LPP: variants seen among roughly 807,000 people sequenced by gnomAD.
LPP encodes the protein LIM domain containing preferred translocation partner in lipoma, also known as lipoma-preferred partner.
In LPP, 38 loss-of-function variants were observed where a neutral mutation model predicts 60.4. The observed-to-expected ratio is 0.63, with a 90% CI of 0.49 to 0.83. The LOEUF is 0.83. Ranked by LOEUF, LPP falls within the 40% of genes least tolerant of loss-of-function variation. The pLI, the probability that LPP is intolerant of heterozygous loss-of-function variation, is 0.00. For synonymous variants in LPP, 328 were observed against 290.8 expected, an observed-to-expected ratio of 1.13 and a Z score of -1.30; for missense variants, 902 against 783.6, an observed-to-expected ratio of 1.15 and a Z score of -1.80.
chr3:188,466,123 G>A (rs768586233), intron 4 of LPP, among the ~76,000 whole-genome samples: 7 of 152,108 alleles, frequency 4.6e-5, no homozygotes, highest in Non-Finnish European at 7.4e-5. Flanking sequence ...GAAAATCATG[G>A]CTCAATAGTT....
chr3:188,257,081 A>G (rs1230751398), intron 2 of LPP, among the ~76,000 whole-genome samples: 1 of 152,274 alleles, frequency 6.6e-6, no homozygotes, highest in South Asian at 2.1e-4. Flanking sequence ...GTGAAGCCTG[A>G]TCATGTGACC....
intron 4 of LPP, among the ~76,000 whole-genome samples, chr3:188,449,110 AC>A (rs1432924543): frequency 6.6e-6 from 1 of 152,202 alleles, no homozygotes; most frequent in Non-Finnish European, 1.5e-5. Flanking sequence ...GGTCCTTGGA[AC>A]CAGGAGTTTT....
intron 9 of LPP, among the ~76,000 whole-genome samples, chr3:188,792,933 A>G (rs1744221007): frequency 6.6e-6 from 1 of 152,140 alleles, no homozygotes; most frequent in African/African-American, 2.4e-5. Flanking sequence ...ATTTTTATCA[A>G]GCAGAGTGAA....
Position 188,695,686 on chromosome 3 carries a change from T to C in LPP, c.1114-12581T>C, listed in dbSNP as rs568873407. 2.9e-4 allele frequency among the ~76,000 whole-genome samples: 44 copies of C among 152,330 alleles called. 1 individual carries two copies. Among genetic ancestry groups the C allele is most frequent in the African/African-American group, 1.1e-3 (44 of 41,564 alleles). On this transcript the variant is annotated intron_variant, in intron 7 of 11. Transcript: ENST00000617246. ...TGTTATACAAAACTGGAGGTATAAT[T>C]TGGCATTTGAACCAGCTTGTTCTGC...
At chr3:188,165,141 T>G (rs1186384529) in intron 1 of LPP, among the ~76,000 whole-genome samples, 1 of 152,004 alleles carries the variant, frequency 6.6e-6, no homozygotes, top group Non-Finnish European at 1.5e-5. Flanking sequence ...GCCAGTGTGG[T>G]AGTGCATGCC....
chr3:188,658,158 T>TTAGTTTAGTTTAGTTTAGTTTAG (rs1352039832), intron 7 of LPP, among the ~76,000 whole-genome samples: 1 of 152,100 alleles, frequency 6.6e-6, no homozygotes, highest in Non-Finnish European at 1.5e-5. Flanking sequence ...TTAGTTTAGT[T>TTAGTTTAGTTTAGTTTAGTTTAG]TTAACGACAG....
intron 2 of LPP, among the ~76,000 whole-genome samples, chr3:188,295,212 A>G (rs1747457203): frequency 6.6e-6 from 1 of 152,226 alleles, no homozygotes; most frequent in Non-Finnish European, 1.5e-5. Flanking sequence ...TTAATGAACA[A>G]GTGGGTGTAT....
intron 3 of LPP, among the ~76,000 whole-genome samples, chr3:188,350,089 T>C (rs1276785913): frequency 1.3e-5 from 2 of 152,224 alleles, no homozygotes; most frequent in Non-Finnish European, 2.9e-5. Context: ...TGGCATGTTT[T>C]AGAAGATACT....
chr3:188,846,350 G>A (rs1761391041), intron 9 of LPP, among the ~76,000 whole-genome samples: 2 of 152,138 alleles, frequency 1.3e-5, no homozygotes, highest in Admixed American at 6.6e-5. Context: ...TAAGTGATAA[G>A]GATAACATGA....
chr3:188,199,382 G>C (rs949708734), intron 1 of LPP, among the ~76,000 whole-genome samples: 1 of 152,104 alleles, frequency 6.6e-6, no homozygotes, highest in Admixed American at 6.5e-5. Context: ...AGAGCATGTG[G>C]GACGGAAAAT....
intron 4 of LPP, among the ~76,000 whole-genome samples, chr3:188,472,003 T>C (rs1342282482): frequency 1.3e-5 from 2 of 152,212 alleles, no homozygotes; most frequent in Admixed American, 6.5e-5. Context: ...TGGAGCCTAA[T>C]GTTCCTGTTC....
Position 188,675,377 on chromosome 3 carries a change from G to T in LPP, c.1114-32890G>T, listed in dbSNP as rs1257363323. Reference sequence around the variant, plus strand: ...GTTGGCTTCCTTAACTGCTCAACAAGTAGACCAAACAAACAAACCACGCAT... The same window carrying T: ...GTTGGCTTCCTTAACTGCTCAACAATTAGACCAAACAAACAAACCACGCAT... On this transcript the variant is annotated intron_variant, in intron 7 of 11. Transcript: ENST00000617246. Among the ~76,000 whole-genome samples the T allele has an allele frequency of 3.3e-5, 5 of 152,192 alleles. No homozygotes were observed. In the East Asian group the frequency reaches 9.6e-4, roughly 29 times the overall value.
At chr3:188,423,221 T>C (rs1355294238) in intron 4 of LPP, among the ~76,000 whole-genome samples, 2 of 152,184 alleles carry the variant, frequency 1.3e-5, no homozygotes, top group South Asian at 2.1e-4. Flanking sequence ...GTTCCTGTGT[T>C]AGTTTGCTGA....
chr3:188,210,473 T>C (rs1734405809), intron 1 of LPP, among the ~76,000 whole-genome samples: 1 of 152,190 alleles, frequency 6.6e-6, no homozygotes, highest in African/African-American at 2.4e-5. Flanking sequence ...CAGGAGATAA[T>C]GATCTTTGCT....
chr3:188,181,413 AGT>A (rs1297295530), intron 1 of LPP, among the ~76,000 whole-genome samples: 1 of 151,754 alleles, frequency 6.6e-6, no homozygotes, highest in Non-Finnish European at 1.5e-5. Flanking sequence ...TGCAACAGCC[AGT>A]GTGAAATTTG....
intron 4 of LPP, among the ~76,000 whole-genome samples, chr3:188,423,583 T>G (rs762885201): frequency 3.3e-5 from 5 of 152,202 alleles, no homozygotes; most frequent in Non-Finnish European, 5.9e-5. Context: ...GCATTCTTAT[T>G]TCTCTACATC....
intron 8 of LPP, among the ~76,000 whole-genome samples, chr3:188,726,212 T>G (rs1395098070): frequency 6.6e-6 from 1 of 152,076 alleles, no homozygotes; most frequent in African/African-American, 2.4e-5. Flanking sequence ...CATTTGTACT[T>G]GTCTAAGGGG....
At chr3:188,745,320 A>G (rs1478564967) in intron 8 of LPP, among the ~76,000 whole-genome samples, 1 of 152,204 alleles carries the variant, frequency 6.6e-6, no homozygotes, top group Non-Finnish European at 1.5e-5. Flanking sequence ...TTTATGCCCT[A>G]CATTATCTAT....
chr3:188,436,420 T>C (rs1031268019), intron 4 of LPP, among the ~76,000 whole-genome samples: 1 of 152,230 alleles, frequency 6.6e-6, no homozygotes, highest in Non-Finnish European at 1.5e-5. Flanking sequence ...GATTTAACAT[T>C]TCCTAGATTC....
Sources: allele counts gnomAD v4.1 joint callset (sites outside exome capture counted in the v4.1 genomes callset), GRCh38; gene constraint gnomAD v4.1.1; transcripts MANE v1.5; gene names NCBI Gene and HGNC (gene_info 2026-07-23, HGNC 2026-07-21).